FOXN3: variants seen among roughly 807,000 people sequenced by gnomAD.
FOXN3 encodes forkhead box N3.
Under a neutral mutation model 38.4 loss-of-function variants are expected in FOXN3, and 7 were observed. The ratio of observed to expected loss-of-function variants is 0.18; its 90% CI spans 0.10 to 0.34. The LOEUF (loss-of-function observed/expected upper bound fraction) is 0.34, where lower values mean the gene tolerates loss of function less well. Among genes scored for constraint, FOXN3 ranks in the 10% least tolerant of loss-of-function variants. The pLI is 1.00. For synonymous variants in FOXN3, 230 were observed against 242.2 expected, an observed-to-expected ratio of 0.95 and a Z score of 0.47; for missense variants, 456 against 613.4, an observed-to-expected ratio of 0.74 and a Z score of 2.71.
chr14:89,269,635 C>T (rs1596143637), intron 4 of FOXN3, among the ~76,000 whole-genome samples: 1 of 152,032 alleles, frequency 6.6e-6, no homozygotes. Context: ...AGCTCCTGTC[C>T]AGTTCAAACC....
chr14:89,422,485 T>C (rs1238587783), intron 1 of FOXN3, among the ~76,000 whole-genome samples: 1 of 152,142 alleles, frequency 6.6e-6, no homozygotes, highest in Non-Finnish European at 1.5e-5. Context: ...AATGATTGAA[T>C]ATGAGAAGAG....
intron 5 of FOXN3, among the ~76,000 whole-genome samples, chr14:89,171,726 T>C (rs1053700461): frequency 6.6e-6 from 1 of 152,208 alleles, no homozygotes; most frequent in South Asian, 2.1e-4. Context: ...AAAGTATGAA[T>C]AGAATAATTT....
intron 4 of FOXN3, among the ~76,000 whole-genome samples, chr14:89,222,932 A>AT (rs375981976): frequency 7.5e-4 from 114 of 151,456 alleles, no homozygotes; most frequent in African/African-American, 2.5e-3. Flanking sequence ...TTTGGCCTCA[A>AT]TTTTTTTTTC....
chr14:89,225,117 G>A (rs1406814272), intron 4 of FOXN3, among the ~76,000 whole-genome samples: 1 of 129,778 alleles, frequency 7.7e-6, no homozygotes, highest in Non-Finnish European at 1.6e-5. Flanking sequence ...GACAGAGTGA[G>A]ACTCCATCTC....
chr14:89,379,941 G>A (rs994505659), intron 2 of FOXN3, among the ~76,000 whole-genome samples: 4 of 152,276 alleles, frequency 2.6e-5, no homozygotes, highest in Non-Finnish European at 2.9e-5. Context: ...GGTGACAGGC[G>A]TGAGCCACTG....
In FOXN3 at chr14:89,334,387, A is replaced by G. The variant is rs866989923; in HGVS notation, c.680+16285T>C. 4.6e-5 allele frequency among the ~76,000 whole-genome samples: 7 copies of G among 152,264 alleles called. 1 individual carries two copies. In the East Asian group the frequency reaches 1.4e-3, roughly 29 times the overall value. On this transcript the variant is annotated intron_variant, in intron 3 of 5. Coordinates refer to ENST00000557258, the MANE Select transcript of FOXN3 (RefSeq NM_005197.4). ...CACTTTGGGAGGATGAGGCAGGTGG[A>G]TCACCTGAGGTCAGGAGTTTGAGAC...
At chr14:89,390,305 C>T (rs916002742) in intron 2 of FOXN3, among the ~76,000 whole-genome samples, 3 of 123,122 alleles carry the variant, frequency 2.4e-5, no homozygotes, top group African/African-American at 7.9e-5. Context: ...CTCTCTCTCT[C>T]TCTCTCTCTA....
intron 4 of FOXN3, among the ~76,000 whole-genome samples, chr14:89,188,230 T>C (rs8021572): frequency 0.012 from 1,776 of 152,304 alleles, 38 homozygotes; most frequent in African/African-American, 0.041. Context: ...GGACCGTGGC[T>C]ACCCTGGAAA....
At chr14:89,531,876 C>T (rs1472437127) in intron 1 of FOXN3, among the ~76,000 whole-genome samples, 1 of 152,198 alleles carries the variant, frequency 6.6e-6, no homozygotes, top group Non-Finnish European at 1.5e-5. Flanking sequence ...GTGGCGCAAT[C>T]TCAGCTCACC....
intron 5 of FOXN3, among the ~76,000 whole-genome samples, chr14:89,175,506 T>C (rs1887497922): frequency 1.3e-5 from 2 of 152,182 alleles, no homozygotes; most frequent in African/African-American, 2.4e-5. Flanking sequence ...TCCATGAGGC[T>C]TTCCATGTTA....
At chr14:89,533,413 T>C (rs963271262) in intron 1 of FOXN3, among the ~76,000 whole-genome samples, 7 of 152,114 alleles carry the variant, frequency 4.6e-5, no homozygotes, top group African/African-American at 9.7e-5. Context: ...CCTGTAATCC[T>C]AGCACTTTGG....
At chr14:89,487,475 T>G (rs1465068466) in intron 1 of FOXN3, among the ~76,000 whole-genome samples, 6 of 152,238 alleles carry the variant, frequency 3.9e-5, no homozygotes, top group Non-Finnish European at 8.8e-5. Flanking sequence ...TGATATCTAC[T>G]GAGTCAGAAT....
intron 4 of FOXN3, among the ~76,000 whole-genome samples, chr14:89,279,826 C>T (rs922328285): frequency 2.0e-5 from 3 of 152,160 alleles, no homozygotes; most frequent in South Asian, 2.1e-4. Flanking sequence ...TATGCAATTG[C>T]GTGGCCTATA....
intron 1 of FOXN3, among the ~76,000 whole-genome samples, chr14:89,519,494 G>A (rs12589772): frequency 0.014 from 2,057 of 152,310 alleles, 45 homozygotes; most frequent in African/African-American, 0.045. Flanking sequence ...AGCTCTCTGC[G>A]TGTGGTGGAA....
intron 3 of FOXN3, among the ~76,000 whole-genome samples, chr14:89,334,874 TC>T (rs1190023061): frequency 6.6e-6 from 1 of 151,902 alleles, no homozygotes; most frequent in African/African-American, 2.4e-5. Flanking sequence ...TTCAAGCAAT[TC>T]CCTGCCTCAG....
intron 1 of FOXN3, among the ~76,000 whole-genome samples, chr14:89,547,452 T>G (rs1374337673): frequency 6.6e-6 from 1 of 151,186 alleles, no homozygotes; most frequent in Non-Finnish European, 1.5e-5. Flanking sequence ...TTGTTGTTTG[T>G]TTTTTGTGGG....
At chr14:89,550,376 C>G (rs1566696141) in intron 1 of FOXN3, among the ~76,000 whole-genome samples, 1 of 152,288 alleles carries the variant, frequency 6.6e-6, no homozygotes, top group East Asian at 1.9e-4. Context: ...AAATAATGTA[C>G]AGTGCACAGC....
At chr14:89,507,742 A>C (rs538352703) in intron 1 of FOXN3, among the ~76,000 whole-genome samples, 1 of 152,184 alleles carries the variant, frequency 6.6e-6, no homozygotes, top group South Asian at 2.1e-4. Flanking sequence ...TCAATGCTGC[A>C]GTCTAAATGA....
rs143593348 is a variant in FOXN3 at position 89,280,358 on chromosome 14, G to A, written c.745+592C>T. ...GAATTCCATGAGCACACCGCCTAGG[G>A]ACTAGGACAAGGCAGCTGAGTTGAG... is the stretch of plus-strand genomic sequence containing the variant. On this transcript the variant is annotated intron_variant, in intron 4 of 5. Coordinates refer to ENST00000557258, the MANE Select transcript of FOXN3 (RefSeq NM_005197.4). 6.7e-3 allele frequency among the ~76,000 whole-genome samples: 1,016 copies of A among 152,292 alleles called. 13 individuals are homozygous for A. The highest frequency in any genetic ancestry group is 0.023 in the African/African-American group (949 of 41,554).
Sources: allele counts gnomAD v4.1 joint callset (sites outside exome capture counted in the v4.1 genomes callset), GRCh38; gene constraint gnomAD v4.1.1; transcripts MANE v1.5; gene names NCBI Gene and HGNC (gene_info 2026-07-23, HGNC 2026-07-21).